Variants in SOX5 observed in about 807,000 individuals in gnomAD.
The protein encoded by SOX5 is transcription factor SOX-5.
Under a neutral mutation model 92.0 loss-of-function variants are expected in SOX5, and 9 were observed. That is an observed-to-expected ratio of 0.10 (90% CI 0.06 to 0.17). The LOEUF is 0.17. Ranked by LOEUF, SOX5 falls within the 10% of genes least tolerant of loss-of-function variation. SOX5 has a pLI of 1.00. For missense variants in SOX5, 642 were observed against 944.5 expected, an observed-to-expected ratio of 0.68 and a Z score of 4.20; for synonymous variants, 344 against 336.3, an observed-to-expected ratio of 1.02 and a Z score of -0.25.
At chr12:23,873,506 T>C (rs943299699) in intron 2 of SOX5, among the ~76,000 whole-genome samples, 1 of 152,122 alleles carries the variant, frequency 6.6e-6, no homozygotes, top group African/African-American at 2.4e-5. Context: ...TACAGTGCCA[T>C]TGCTGACACC....
chr12:24,261,669 T>C (rs1942111245), intron 3 of SOX5, among the ~76,000 whole-genome samples: 1 of 152,222 alleles, frequency 6.6e-6, no homozygotes, highest in Non-Finnish European at 1.5e-5. Context: ...GACAGACTTA[T>C]GTGTCGCTAC....
At chr12:24,104,310 TGGTAAGAAACATTATCTACA>T (rs1946427611) in intron 4 of SOX5, among the ~76,000 whole-genome samples, 1 of 152,176 alleles carries the variant, frequency 6.6e-6, no homozygotes, top group South Asian at 2.1e-4. Flanking sequence ...TCATTTTAAG[TGGTAAGAAACATTATCTACA>T]GGTTTTATTC....
intron 4 of SOX5, among the ~76,000 whole-genome samples, chr12:23,971,314 G>A (rs1447626499): frequency 6.6e-6 from 1 of 151,110 alleles, no homozygotes; most frequent in Non-Finnish European, 1.5e-5. Flanking sequence ...AGTAGAGACG[G>A]GATTTTACCG....
intron 1 of SOX5, among the ~76,000 whole-genome samples, chr12:23,925,028 G>T (rs1426228366): frequency 6.6e-6 from 1 of 151,170 alleles, no homozygotes; most frequent in Non-Finnish European, 1.5e-5. Flanking sequence ...AAAAAAAAAA[G>T]AAAACCCAAG....
intron 4 of SOX5, among the ~76,000 whole-genome samples, chr12:23,967,462 T>C (rs1947727510): frequency 9.3e-6 from 1 of 107,696 alleles, no homozygotes; most frequent in South Asian, 3.3e-4. Context: ...CATAAAATTA[T>C]ACAGACAATA....
intron 6 of SOX5, among the ~76,000 whole-genome samples, chr12:23,689,718 AG>A (rs1350648426): frequency 7.9e-5 from 12 of 152,210 alleles, no homozygotes; most frequent in African/African-American, 2.9e-4. Flanking sequence ...AGGAAAATGT[AG>A]AAAAATAAAA....
intron 1 of SOX5, among the ~76,000 whole-genome samples, chr12:23,922,939 CCTT>C (rs1305813753): frequency 2.7e-5 from 4 of 149,646 alleles, no homozygotes; most frequent in Non-Finnish European, 6.0e-5. Context: ...AAGGGAAGCT[CCTT>C]CTTTTTTTTT....
intron 3 of SOX5, among the ~76,000 whole-genome samples, chr12:24,225,288 G>A (rs1961638040): frequency 6.6e-6 from 1 of 152,120 alleles, no homozygotes; most frequent in Admixed American, 6.5e-5. Context: ...TAAAAGCTCA[G>A]TGCTTAAAGG....
chr12:24,554,743 A>G (rs552074979), intron 1 of SOX5, among the ~76,000 whole-genome samples: 16 of 152,178 alleles, frequency 1.1e-4, no homozygotes, highest in Non-Finnish European at 2.2e-4. Context: ...ATTGCTCTCA[A>G]TCACAATCCT....
In SOX5 at chr12:23,746,944, C is replaced by T. The variant is rs1593975360; in HGVS notation, c.569-5905G>A. On this transcript the variant is annotated intron_variant, in intron 4 of 14. Coordinates refer to ENST00000451604, the MANE Select transcript of SOX5 (RefSeq NM_006940.6). ...GATTTTATAAAGGGGAGTTTCCCTG[C>T]ACTAGTTCTCTTCTCTTGTCTGCCG... 5.3e-5 allele frequency among the ~76,000 whole-genome samples: 8 copies of T among 152,216 alleles called. 2 individuals are homozygous for T.
chr12:24,094,361 T>C (rs576877846), intron 4 of SOX5, among the ~76,000 whole-genome samples: 1 of 152,340 alleles, frequency 6.6e-6, no homozygotes, highest in South Asian at 2.1e-4. Context: ...TTGTCTGTTT[T>C]GCTATTATGT....
chr12:23,839,167 C>T (rs745516793), intron 3 of SOX5, among the ~76,000 whole-genome samples: 11 of 151,868 alleles, frequency 7.2e-5, no homozygotes, highest in Non-Finnish European at 1.6e-4. Context: ...TTCTTAATGT[C>T]TCCTGCTAAG....
intron 3 of SOX5, among the ~76,000 whole-genome samples, chr12:23,826,025 CTCT>C (rs1161616601): frequency 6.9e-6 from 1 of 145,274 alleles, no homozygotes; most frequent in African/African-American, 2.5e-5. Context: ...TGTTTCATTT[CTCT>C]TTTTTTTTAT....
chr12:23,559,022 A>G (rs376885939), intron 11 of SOX5, among the ~76,000 whole-genome samples: 21 of 151,302 alleles, frequency 1.4e-4, no homozygotes, highest in East Asian at 9.6e-4. Context: ...GGAGTGAGTG[A>G]CACAAACGGA....
chr12:24,259,671 T>C (rs1172084429), intron 3 of SOX5, among the ~76,000 whole-genome samples: 1 of 152,234 alleles, frequency 6.6e-6, no homozygotes, highest in South Asian at 2.1e-4. Flanking sequence ...AAAAACTTTC[T>C]AAGTATTATA....
Position 23,743,705 on chromosome 12 carries a change from A to C in SOX5, c.569-2666T>G, listed in dbSNP as rs533257295. On this transcript the variant is annotated intron_variant, in intron 4 of 14. Transcript: ENST00000451604. ...AAGTTAAAAGCTTAAGCAAATCAGC[A>C]CATACTCAACACCTACAGTTGGTCC... Among the ~76,000 whole-genome samples, 85 of 152,314 alleles carry C rather than the reference A, an allele frequency of 5.6e-4. 1 individual carries two copies. The Middle Eastern group carries it at 0.01, about 18-fold the overall frequency.
chr12:24,216,275 A>T (rs1565676470), intron 3 of SOX5, among the ~76,000 whole-genome samples: 1 of 151,142 alleles, frequency 6.6e-6, no homozygotes, highest in South Asian at 2.1e-4. Context: ...CGAGGTCAGG[A>T]GATCAAGACC....
intron 3 of SOX5, among the ~76,000 whole-genome samples, chr12:23,836,954 T>A (rs1029602705): frequency 2.6e-5 from 4 of 151,618 alleles, no homozygotes; most frequent in African/African-American, 7.3e-5. Flanking sequence ...AGAGTATAAG[T>A]TTTTTAGTTA....
intron 12 of SOX5, among the ~76,000 whole-genome samples, chr12:23,544,455 A>G (rs1481992478): frequency 1.3e-5 from 2 of 152,230 alleles, no homozygotes; most frequent in Non-Finnish European, 2.9e-5. Flanking sequence ...TGTATTATCA[A>G]CAAAAGCACT....
Sources: allele counts gnomAD v4.1 joint callset (sites outside exome capture counted in the v4.1 genomes callset), GRCh38; gene constraint gnomAD v4.1.1; transcripts MANE v1.5; gene names NCBI Gene and HGNC (gene_info 2026-07-23, HGNC 2026-07-21).